Variants in SYT1 observed in about 807,000 individuals in gnomAD.
The protein encoded by SYT1 is synaptotagmin-1.
A neutral mutation model predicts 44.8 loss-of-function variants in SYT1; 8 were observed. The ratio of observed to expected loss-of-function variants is 0.18; its 90% confidence interval spans 0.10 to 0.32. The LOEUF (loss-of-function observed/expected upper bound fraction) is 0.32, where lower values mean the gene tolerates loss of function less well. SYT1 is among the 10% of genes least tolerant of loss of function. The pLI is 1.00. For missense variants in SYT1, 286 were observed against 509.3 expected (o/e 0.56, Z 4.22); for synonymous variants, 154 against 188.8 (o/e 0.82, Z 1.51).
intron 1 of SYT1, among the ~76,000 whole-genome samples, chr12:78,935,308 T>A (rs1369257667): frequency 6.6e-6 from 1 of 152,166 alleles, no homozygotes; most frequent in East Asian, 1.9e-4. Context: ...GGTCTCGTTG[T>A]TTCAATTAAT....
At chr12:79,342,320 C>T (rs1181923922) in intron 8 of SYT1, among the ~76,000 whole-genome samples, 1 of 152,118 alleles carries the variant, frequency 6.6e-6, no homozygotes, top group Non-Finnish European at 1.5e-5. Context: ...AAGACTCAAA[C>T]TCTCGGGCTC....
chr12:78,984,614 A>G (rs1371475105), intron 2 of SYT1, among the ~76,000 whole-genome samples: 1 of 152,116 alleles, frequency 6.6e-6, no homozygotes, highest in East Asian at 1.9e-4. Flanking sequence ...ACAAATTAGA[A>G]AACAATGAAG....
In SYT1 at chr12:79,397,108, C is replaced by T. The variant is rs1230097831; in HGVS notation, c.928+43489C>T. On this transcript the variant is annotated intron_variant, in intron 9 of 10. Transcript: ENST00000261205. ...GGAATGGCCAGAACTTGGCCCAGCA[C>T]TGGGAGAGTGAAAGGGATGAGGTCT... Among the ~76,000 whole-genome samples the T allele has an allele frequency of 5.3e-5, 8 of 152,238 alleles. No individual in the cohort carries two copies. The East Asian group carries it at 1.5e-3, about 29-fold the overall frequency.
At chr12:79,338,252 A>ATTTTTTTTTCTTTTTTCTTTTTCCTT in intron 8 of SYT1, among the ~76,000 whole-genome samples, 1 of 147,338 alleles carries the variant, frequency 6.8e-6, no homozygotes, top group East Asian at 2.0e-4. Flanking sequence ...ATGTCAACTA[A>ATTTTTTTTTCTTTTTTCTTTTTCCTT]TTTTTTTTTC....
At chr12:79,167,758 G>A (rs779590452) in intron 3 of SYT1, among the ~76,000 whole-genome samples, 26 of 151,924 alleles carry the variant, frequency 1.7e-4, no homozygotes, top group African/African-American at 2.7e-4. Context: ...GTAATACAGC[G>A]GTCCCCAACA....
chr12:79,358,235 G>C (rs540863571), intron 9 of SYT1, among the ~76,000 whole-genome samples: 13 of 152,120 alleles, frequency 8.5e-5, no homozygotes, highest in African/African-American at 2.9e-4. Flanking sequence ...GGACATGGCC[G>C]TTTAAAGAAG....
At chr12:79,308,017 C>A (rs996900326) in intron 8 of SYT1, among the ~76,000 whole-genome samples, 1 of 152,130 alleles carries the variant, frequency 6.6e-6, no homozygotes, top group African/African-American at 2.4e-5. Context: ...TGGAACTCAG[C>A]GTTGTAGAAC....
intron 1 of SYT1, among the ~76,000 whole-genome samples, chr12:78,890,333 A>G (rs972631854): frequency 1.1e-4 from 17 of 151,952 alleles, no homozygotes; most frequent in Non-Finnish European, 2.4e-4. Flanking sequence ...TACCCACAAT[A>G]GTATTTTAGA....
At chr12:79,253,936 G>A (rs1390626519) in intron 4 of SYT1, among the ~76,000 whole-genome samples, 1 of 152,146 alleles carries the variant, frequency 6.6e-6, no homozygotes, top group African/African-American at 2.4e-5. Flanking sequence ...AGCTGAGAGA[G>A]GTAAGGGAGC....
intron 3 of SYT1, among the ~76,000 whole-genome samples, chr12:79,097,919 T>A (rs112766104): frequency 1.3e-3 from 196 of 152,128 alleles, no homozygotes; most frequent in African/African-American, 4.4e-3. Flanking sequence ...GGTGTGTGCA[T>A]GTGAGCATGC....
At chr12:79,239,973 C>T (rs1876405598) in intron 4 of SYT1, among the ~76,000 whole-genome samples, 1 of 152,326 alleles carries the variant, frequency 6.6e-6, no homozygotes, top group Non-Finnish European at 1.5e-5. Flanking sequence ...ACTGGGCTCA[C>T]CCAGGACAGT....
chr12:78,893,180 C>G (rs1875151044), intron 1 of SYT1, among the ~76,000 whole-genome samples: 1 of 151,708 alleles, frequency 6.6e-6, no homozygotes, highest in South Asian at 2.1e-4. Flanking sequence ...ATATTAAGAG[C>G]AACCATGACT....
intron 2 of SYT1, among the ~76,000 whole-genome samples, chr12:79,044,998 G>A (rs1471874141): frequency 6.6e-6 from 1 of 152,194 alleles, no homozygotes. Flanking sequence ...GCAGCTGCGT[G>A]CTGGGAGAAC....
At chr12:79,284,837 C>CAAA (rs36090267) in intron 4 of SYT1, among the ~76,000 whole-genome samples, 1 of 117,880 alleles carries the variant, frequency 8.5e-6, no homozygotes, top group African/African-American at 3.2e-5. Context: ...GACTCCATCT[C>CAAA]AAAAAAAAAA....
rs17005452 is a variant in SYT1 at position 79,289,691 on chromosome 12, C to G, written c.352-2317C>G. The stretch of plus-strand genomic sequence containing the variant: ...ATTTTTCATTATAATAATAGAGCAA[C>G]ATGCAGATTTATCAAACAGAAGTAG... On this transcript the variant is annotated intron_variant, in intron 5 of 10. Coordinates refer to ENST00000261205, the MANE Select transcript of SYT1 (RefSeq NM_005639.3). 8.0e-3 allele frequency among the ~76,000 whole-genome samples: 1,222 copies of G among 152,172 alleles called. 11 individuals are homozygous for G. The highest frequency in any genetic ancestry group is 0.028 in the African/African-American group (1,156 of 41,498).
chr12:79,280,842 G>A (rs1879009983), intron 4 of SYT1, among the ~76,000 whole-genome samples: 1 of 151,792 alleles, frequency 6.6e-6, no homozygotes, highest in Non-Finnish European at 1.5e-5. Flanking sequence ...GGGAATATGT[G>A]AAGAGAGATT....
chr12:79,120,939 C>CTATATATA (rs200621163), intron 3 of SYT1, among the ~76,000 whole-genome samples: 4 of 143,410 alleles, frequency 2.8e-5, no homozygotes, highest in South Asian at 4.4e-4. Context: ...GTATATATAT[C>CTATATATA]TATATATATA....
chr12:79,102,713 C>T (rs1222458500), intron 3 of SYT1, among the ~76,000 whole-genome samples: 4 of 152,202 alleles, frequency 2.6e-5, no homozygotes, highest in East Asian at 1.9e-4. Context: ...TAAACATATT[C>T]GAAATACCTC....
At chr12:79,148,834 C>T (rs1207442979) in intron 3 of SYT1, among the ~76,000 whole-genome samples, 4 of 152,104 alleles carry the variant, frequency 2.6e-5, no homozygotes, top group Non-Finnish European at 4.4e-5. Flanking sequence ...CATTAATATT[C>T]GAGATTACCG....
Sources: allele counts gnomAD v4.1 joint callset (sites outside exome capture counted in the v4.1 genomes callset), GRCh38; gene constraint gnomAD v4.1.1; transcripts MANE v1.5; gene names NCBI Gene and HGNC (gene_info 2026-07-23, HGNC 2026-07-21).